The following PTPRG variants were observed in gnomAD, a reference collection of about 807,000 sequenced individuals.
The protein encoded by PTPRG is receptor-type tyrosine-protein phosphatase gamma.
Under a neutral mutation model 165.3 loss-of-function variants are expected in PTPRG, and 102 were observed. The observed-to-expected ratio is 0.62, with a 90% CI of 0.53 to 0.73. The LOEUF is 0.73. PTPRG is among the 30% of genes least tolerant of loss of function. PTPRG has a pLI of 0.00. For missense variants in PTPRG, 1,866 were observed against 1,861.4 expected, an observed-to-expected ratio of 1.00 and a Z score of -0.05; for synonymous variants, 675 against 669.5, an observed-to-expected ratio of 1.01 and a Z score of -0.13.
chr3:61,964,743 C>T (rs1346516429), intron 2 of PTPRG, among the ~76,000 whole-genome samples: 1 of 152,074 alleles, frequency 6.6e-6, no homozygotes, highest in African/African-American at 2.4e-5. Context: ...CGTGGCTCAG[C>T]CTGAGCTTCA....
chr3:62,085,017 G>A (rs926542788), intron 5 of PTPRG, among the ~76,000 whole-genome samples: 1 of 152,132 alleles, frequency 6.6e-6, no homozygotes, highest in East Asian at 1.9e-4. Context: ...TAGGCATTAG[G>A]GGGTAGAGCC....
chr3:61,947,903 C>G (rs2039803070), intron 2 of PTPRG, among the ~76,000 whole-genome samples: 1 of 152,142 alleles, frequency 6.6e-6, no homozygotes. Flanking sequence ...ACCCTGCTTG[C>G]CTTTCAGAAG....
chr3:61,919,151 G>C (rs1331464356), intron 2 of PTPRG, among the ~76,000 whole-genome samples: 3 of 152,182 alleles, frequency 2.0e-5, no homozygotes, highest in African/African-American at 7.2e-5. Flanking sequence ...TGCTTGGTAA[G>C]CATTGCTTTT....
Position 61,941,489 on chromosome 3 carries a change from G to T in PTPRG, c.191-48136G>T, listed in dbSNP as rs575903589. On this transcript the variant is annotated intron_variant, in intron 2 of 29. Transcript: ENST00000474889. ...ATACAAAAAATTAGCCGGGCATGGCGGTGCATGCCTGTAGCCCCAGCTGCT... is the reference window on the plus strand; with the variant it reads ...ATACAAAAAATTAGCCGGGCATGGCTGTGCATGCCTGTAGCCCCAGCTGCT... 3.6e-4 allele frequency among the ~76,000 whole-genome samples: 55 copies of T among 152,266 alleles called. No individual in the cohort carries two copies. In the South Asian group the frequency reaches 0.011, roughly 30 times the overall value.
Position 62,220,092 on chromosome 3 carries a change from G to A in PTPRG, c.2288+1109G>A, listed in dbSNP as rs530523029. On this transcript the variant is annotated intron_variant, in intron 13 of 29. Transcript: ENST00000474889. ...AAGTAGAGGAAACAGCACATGCAAC[G>A]GCCCTGAGGCAAGGGCATGCCTGGT... is the stretch of plus-strand genomic sequence containing the variant. Among the ~76,000 whole-genome samples the A allele has an allele frequency of 9.2e-5, 14 of 152,336 alleles. No individual in the cohort carries two copies. The South Asian group carries it at 1.2e-3, about 14-fold the overall frequency.
intron 2 of PTPRG, among the ~76,000 whole-genome samples, chr3:61,834,190 T>A (rs1211185746): frequency 6.6e-6 from 1 of 152,224 alleles, no homozygotes; most frequent in Non-Finnish European, 1.5e-5. Context: ...TCCTGAGTCA[T>A]TTCTTCACAA....
At position 61,813,502 on chromosome 3, in the gene PTPRG, T is replaced by C. The variant is rs57534792; in HGVS notation, c.190+64520T>C. Among the ~76,000 whole-genome samples, 1,070 of 136,596 alleles carry C rather than the reference T, an allele frequency of 7.8e-3. 15 individuals carry two copies. The highest frequency in any genetic ancestry group is 0.028 in the African/African-American group (1,032 of 36,236). 89.6% of individuals were successfully genotyped at this position (136,596 alleles called of 152,430 possible). A position where few individuals can be genotyped will look rare whatever the true frequency, so the allele number is the denominator to read the frequency against. On this transcript the variant is annotated intron_variant, in intron 2 of 29. Transcript: ENST00000474889. ...CTGCACTCCAGCCTGGGTGACAGAA[T>C]GAGACTCCGTCTCAAAAAAAAAAAA... is the stretch of plus-strand genomic sequence containing the variant.
At chr3:62,124,168 G>T in intron 5 of PTPRG, 2 of 701,874 alleles carry the variant, frequency 2.8e-6, no homozygotes, top group South Asian at 1.7e-5. Context: ...TGTTGTTGTC[G>T]TTGTTGTGCA....
At chr3:62,044,072 ACTT>A (rs1281645781) in intron 4 of PTPRG, among the ~76,000 whole-genome samples, 17 of 152,180 alleles carry the variant, frequency 1.1e-4, no homozygotes, top group Non-Finnish European at 2.2e-4. Context: ...CTCTCTCTTA[ACTT>A]CTTCTCAGAA....
chr3:61,614,155 C>G (rs946732100), intron 1 of PTPRG, among the ~76,000 whole-genome samples: 51 of 152,178 alleles, frequency 3.4e-4, no homozygotes, highest in Admixed American at 3.0e-3. Context: ...TCCTCACTCA[C>G]TCACTCACTA....
chr3:62,102,273 CCTTTCTTTT>C (rs939149039), intron 5 of PTPRG, among the ~76,000 whole-genome samples: 7 of 151,782 alleles, frequency 4.6e-5, no homozygotes, highest in Admixed American at 6.6e-5. Flanking sequence ...TCCTTTCTTC[CCTTTCTTTT>C]CTTTCTTTTC....
chr3:61,873,435 C>CA (rs1360835480), intron 2 of PTPRG, among the ~76,000 whole-genome samples: 1 of 151,768 alleles, frequency 6.6e-6, no homozygotes, highest in African/African-American at 2.4e-5. Context: ...AATATAGTAG[C>CA]AAAAAAATAT....
At chr3:61,838,161 G>A (rs2036526138) in intron 2 of PTPRG, among the ~76,000 whole-genome samples, 2 of 152,334 alleles carry the variant, frequency 1.3e-5, no homozygotes. Flanking sequence ...GGGCCTAAAA[G>A]CTGGTTTCTA....
At chr3:61,683,620 G>C (rs1001527511) in intron 1 of PTPRG, among the ~76,000 whole-genome samples, 1 of 152,136 alleles carries the variant, frequency 6.6e-6, no homozygotes, top group South Asian at 2.1e-4. Context: ...AAATCCCTTT[G>C]AATTGTTTTC....
intron 1 of PTPRG, among the ~76,000 whole-genome samples, chr3:61,666,237 C>G (rs1702811103): frequency 1.3e-5 from 2 of 152,138 alleles, no homozygotes. Flanking sequence ...GCTGAAGGCT[C>G]CTTACTGGTG....
intron 1 of PTPRG, among the ~76,000 whole-genome samples, chr3:61,716,556 T>C (rs1472349905): frequency 1.5e-5 from 2 of 133,588 alleles, no homozygotes; most frequent in Non-Finnish European, 3.1e-5. Context: ...TTGCGTACTC[T>C]TTTTTTCTCT....
At chr3:62,257,100 A>G (rs568531182) in intron 16 of PTPRG, among the ~76,000 whole-genome samples, 4 of 152,302 alleles carry the variant, frequency 2.6e-5, no homozygotes, top group East Asian at 1.9e-4. Flanking sequence ...GCTGTTCACA[A>G]TAGGAAGAAT....
intron 16 of PTPRG, chr3:62,260,844 G>A (rs1313505291): frequency 6.6e-6 from 1 of 152,264 alleles, no homozygotes; most frequent in East Asian, 1.9e-4. Context: ...GAAGGCCTCA[G>A]GCAAACCCCA....
chr3:61,957,569 C>T (rs2040061868), intron 2 of PTPRG, among the ~76,000 whole-genome samples: 1 of 152,204 alleles, frequency 6.6e-6, no homozygotes, highest in Non-Finnish European at 1.5e-5. Flanking sequence ...CAGCTCCTTC[C>T]TAACCACGGG....
Sources: gnomAD v4.1 joint callset for allele counts (sites outside exome capture counted in the v4.1 genomes callset) on GRCh38, gnomAD v4.1.1 for gene constraint, MANE v1.5 for transcripts, NCBI Gene and HGNC (gene_info 2026-07-23, HGNC 2026-07-21) for gene names.